Variants in PARD3 observed in about 807,000 individuals in gnomAD.
PARD3 encodes the protein par-3 family cell polarity regulator, also known as partitioning defective 3 homolog.
A neutral mutation model predicts 155.4 loss-of-function variants in PARD3; 75 were observed. That is an observed-to-expected ratio of 0.48 (90% CI 0.40 to 0.58). The LOEUF is 0.58. PARD3 is among the 20% of genes least tolerant of loss of function. PARD3 has a pLI of 0.00. For missense variants in PARD3, 1,642 were observed against 1,721.7 expected (o/e 0.95, Z 0.82); for synonymous variants, 576 against 610.5 (o/e 0.94, Z 0.83).
chr10:34,433,354 G>C (rs1158287003), intron 5 of PARD3, among the ~76,000 whole-genome samples: 1 of 152,146 alleles, frequency 6.6e-6, no homozygotes, highest in Non-Finnish European at 1.5e-5. Flanking sequence ...TTCACAGATT[G>C]CTCAATGGAA....
At chr10:34,236,001 G>C (rs1179453352) in intron 22 of PARD3, among the ~76,000 whole-genome samples, 1 of 152,072 alleles carries the variant, frequency 6.6e-6, no homozygotes, top group East Asian at 1.9e-4. Flanking sequence ...GTGTCACTAG[G>C]ACAATGTCAT....
At chr10:34,305,569 T>G (rs1957365117) in intron 20 of PARD3, among the ~76,000 whole-genome samples, 1 of 152,266 alleles carries the variant, frequency 6.6e-6, no homozygotes, top group Admixed American at 6.5e-5. Flanking sequence ...AACTCTTTGC[T>G]TAAATCTATC....
chr10:34,718,153 A>C (rs1482019561), intron 1 of PARD3, among the ~76,000 whole-genome samples: 5 of 150,980 alleles, frequency 3.3e-5, no homozygotes, highest in Non-Finnish European at 5.9e-5. Flanking sequence ...CCATCTCAAA[A>C]AAAAAAAAAA....
At chr10:34,186,232 C>T (rs181153462) in intron 22 of PARD3, among the ~76,000 whole-genome samples, 4 of 152,076 alleles carry the variant, frequency 2.6e-5, no homozygotes, top group Admixed American at 6.5e-5. Flanking sequence ...GGGTAGCTCA[C>T]GCCTGTAATC....
At chr10:34,125,099 C>T (rs1947210793) in intron 23 of PARD3, among the ~76,000 whole-genome samples, 1 of 139,760 alleles carries the variant, frequency 7.2e-6, no homozygotes, top group South Asian at 2.1e-4. Context: ...CGGAGTCTTG[C>T]TCTTGTCGCC....
chr10:34,751,933 G>T (rs1377277446), intron 1 of PARD3, among the ~76,000 whole-genome samples: 1 of 152,058 alleles, frequency 6.6e-6, no homozygotes, highest in Non-Finnish European at 1.5e-5. Context: ...TGAGAAACTG[G>T]AATTGTGAGC....
intron 12 of PARD3, 120 bp downstream of exon 12, chr10:34,372,378 T>A (rs947704180): frequency 2.6e-6 from 2 of 768,388 alleles, no homozygotes; most frequent in Non-Finnish European, 4.6e-6. Flanking sequence ...AATAAACCCA[T>A]GTATTAAATA....
chr10:34,283,446 TATA>T (rs1440271246), intron 21 of PARD3, among the ~76,000 whole-genome samples: 1 of 152,134 alleles, frequency 6.6e-6, no homozygotes. Flanking sequence ...CCCCTGGAAT[TATA>T]ATGAGAAAAA....
chr10:34,807,941 C>A (rs183027088), intron 1 of PARD3, among the ~76,000 whole-genome samples: 1 of 152,196 alleles, frequency 6.6e-6, no homozygotes, highest in Non-Finnish European at 1.5e-5. Flanking sequence ...GACCTATACA[C>A]GAAAGTTATT....
intron 3 of PARD3, among the ~76,000 whole-genome samples, chr10:34,494,357 G>T (rs2080130065): frequency 6.6e-6 from 1 of 152,208 alleles, no homozygotes; most frequent in Admixed American, 6.5e-5. Flanking sequence ...GAAGAGACAA[G>T]GCTGCAAAGA....
intron 22 of PARD3, among the ~76,000 whole-genome samples, chr10:34,200,894 A>G (rs1051670593): frequency 7.9e-5 from 12 of 152,198 alleles, no homozygotes; most frequent in African/African-American, 2.9e-4. Context: ...AGCTTCTGCT[A>G]TTTCAGAAAC....
At chr10:34,725,179 G>A (rs2133768010) in intron 1 of PARD3, among the ~76,000 whole-genome samples, 1 of 148,736 alleles carries the variant, frequency 6.7e-6, no homozygotes, top group African/African-American at 2.4e-5. Flanking sequence ...GAGAGACGGA[G>A]TCTCACTCTG....
intron 3 of PARD3, among the ~76,000 whole-genome samples, chr10:34,503,017 G>A (rs2080820490): frequency 6.6e-6 from 1 of 151,906 alleles, no homozygotes; most frequent in African/African-American, 2.4e-5. Context: ...CAGTGTCCTT[G>A]TTTCTGCCTC....
intron 22 of PARD3, among the ~76,000 whole-genome samples, chr10:34,174,176 A>G (rs143794438): frequency 8.5e-5 from 13 of 152,314 alleles, no homozygotes; most frequent in South Asian, 2.1e-4. Flanking sequence ...AAACACACTT[A>G]GGTGCTCTAT....
chr10:34,641,660 T>C (rs1448852718), intron 2 of PARD3, among the ~76,000 whole-genome samples: 1 of 151,994 alleles, frequency 6.6e-6, no homozygotes, highest in Non-Finnish European at 1.5e-5. Flanking sequence ...GGAGGCAACA[T>C]AGTTCTCCAC....
chr10:34,720,440 G>C (rs984609009), intron 1 of PARD3, among the ~76,000 whole-genome samples: 1 of 101,376 alleles, frequency 9.9e-6, no homozygotes, highest in Non-Finnish European at 1.8e-5. Flanking sequence ...AACAGAGCAA[G>C]GCTCTGTCAA....
At chr10:34,395,577 C>T (rs1432242010) in intron 7 of PARD3, among the ~76,000 whole-genome samples, 2 of 91,684 alleles carry the variant, frequency 2.2e-5, no homozygotes, top group Admixed American at 1.9e-4. Flanking sequence ...GTGGCTCACG[C>T]CTGTAATCCC....
chr10:34,689,676 T>C (rs2094014503), intron 2 of PARD3, among the ~76,000 whole-genome samples: 1 of 152,194 alleles, frequency 6.6e-6, no homozygotes, highest in Non-Finnish European at 1.5e-5. Context: ...TGATAAAAGA[T>C]TCTAGAAAAT....
At chr10:34,247,756 A>G (rs1954050887) in intron 22 of PARD3, among the ~76,000 whole-genome samples, 1 of 152,216 alleles carries the variant, frequency 6.6e-6, no homozygotes. Context: ...TTTCATTGCT[A>G]GACACAGAAA....
Sources: gnomAD v4.1 joint callset for allele counts (sites outside exome capture counted in the v4.1 genomes callset) on GRCh38, gnomAD v4.1.1 for gene constraint, MANE v1.5 for transcripts, NCBI Gene and HGNC (gene_info 2026-07-23, HGNC 2026-07-21) for gene names.